Variants in UBE3C observed in about 807,000 individuals in gnomAD.
The protein encoded by UBE3C is ubiquitin protein ligase E3C.
UBE3C carries 42 observed loss-of-function variants against 129.4 expected under a neutral mutation model. The ratio of observed to expected loss-of-function variants is 0.32; its 90% CI spans 0.25 to 0.42. The LOEUF is 0.42. Ranked by LOEUF, UBE3C falls within the 10% of genes least tolerant of loss-of-function variation. The probability of loss-of-function intolerance (pLI) is 1.00; values close to 1 mark genes in which losing one functional copy is unlikely to be tolerated. For synonymous variants in UBE3C, 510 were observed against 492.4 expected (o/e 1.04, Z -0.47); for missense variants, 1,049 against 1,319.1 (o/e 0.80, Z 3.17).
At chr7:157,164,308 C>T (rs1586655430) in intron 2 of UBE3C, 3 of 455,084 alleles carry the variant, frequency 6.6e-6, no homozygotes, top group Non-Finnish European at 1.3e-5. Context: ...AGGTGCATGC[C>T]ACCATGCCCA....
At chr7:157,164,630 G>A (rs1040650684) in intron 2 of UBE3C, 2 of 353,700 alleles carry the variant, frequency 5.7e-6, no homozygotes, top group African/African-American at 4.3e-5. Context: ...ATCAGCAATT[G>A]TACTATCTTA....
chr7:157,256,021 T>C lies in UBE3C; in HGVS notation c.2951-893T>C, dbSNP rs1796742454. On this transcript the variant is annotated intron_variant, in intron 21 of 22. Transcript: ENST00000348165. Reference sequence around the variant, plus strand: ...CCACGTGCAAGCCCCTTCTCTGCCGTCTGTTCAGCGGCGGCTTTGAACTGC... The same window carrying C: ...CCACGTGCAAGCCCCTTCTCTGCCGCCTGTTCAGCGGCGGCTTTGAACTGC... 5.3e-5 allele frequency among the ~76,000 whole-genome samples: 8 copies of C among 152,316 alleles called. No homozygotes were observed. The South Asian group carries it at 1.7e-3, about 32-fold the overall frequency.
At chr7:157,262,436 T>TTTTTTA (rs1796942835) in intron 22 of UBE3C, among the ~76,000 whole-genome samples, 1 of 138,466 alleles carries the variant, frequency 7.2e-6, no homozygotes, top group Non-Finnish European at 1.5e-5. Context: ...TTTTTTTTTT[T>TTTTTTA]GAGATAGAGT....
At chr7:157,232,550 C>T (rs1796048822) in intron 18 of UBE3C, among the ~76,000 whole-genome samples, 1 of 152,290 alleles carries the variant, frequency 6.6e-6, no homozygotes, top group South Asian at 2.1e-4. Context: ...GGGGTTTCCA[C>T]CATGTTGTCC....
intron 18 of UBE3C, among the ~76,000 whole-genome samples, chr7:157,240,170 T>C (rs1173767683): frequency 6.6e-6 from 1 of 152,150 alleles, no homozygotes; most frequent in Non-Finnish European, 1.5e-5. Context: ...TTCTCGTGCC[T>C]CAGCCTCCCA....
At chr7:157,151,167 A>G (rs1187481623) in intron 1 of UBE3C, among the ~76,000 whole-genome samples, 1 of 152,248 alleles carries the variant, frequency 6.6e-6, no homozygotes, top group African/African-American at 2.4e-5. Flanking sequence ...GTCTGTGGAC[A>G]TAATCCTGAA....
intron 1 of UBE3C, among the ~76,000 whole-genome samples, chr7:157,140,426 G>C (rs1037943090): frequency 5.3e-5 from 8 of 152,202 alleles, no homozygotes; most frequent in African/African-American, 1.9e-4. Context: ...AGGTTCGTGT[G>C]ATGGTGATTG....
intron 11 of UBE3C, among the ~76,000 whole-genome samples, chr7:157,207,065 T>C (rs966307122): frequency 5.3e-5 from 8 of 152,184 alleles, no homozygotes; most frequent in African/African-American, 1.9e-4. Context: ...GTAAAGTACA[T>C]GTGTGTCTTG....
At chr7:157,168,419 A>C (rs2116878432) in intron 2 of UBE3C, among the ~76,000 whole-genome samples, 1 of 152,276 alleles carries the variant, frequency 6.6e-6, no homozygotes, top group East Asian at 1.9e-4. Context: ...GCAATTCCTC[A>C]ATGATAACTC....
chr7:157,153,656 C>T (rs539195774), intron 1 of UBE3C, among the ~76,000 whole-genome samples: 5 of 152,174 alleles, frequency 3.3e-5, no homozygotes, highest in South Asian at 4.2e-4. Flanking sequence ...CACGAATCTT[C>T]CTTGCTCTAA....
chr7:157,245,992 C>CAAAAAAAAAAAA (rs56270719), intron 18 of UBE3C, among the ~76,000 whole-genome samples: 1 of 85,612 alleles, frequency 1.2e-5, no homozygotes, highest in Admixed American at 1.5e-4. Flanking sequence ...GACTCCGTCT[C>CAAAAAAAAAAAA]AAAAAAAAAA....
chr7:157,162,536 C>G (rs919588419), intron 1 of UBE3C, among the ~76,000 whole-genome samples: 1 of 146,750 alleles, frequency 6.8e-6, no homozygotes, highest in African/African-American at 2.5e-5. Flanking sequence ...TGTCTCCAAT[C>G]TTGAACTTTT....
At chr7:157,237,877 T>C (rs1796192956) in intron 18 of UBE3C, among the ~76,000 whole-genome samples, 1 of 137,952 alleles carries the variant, frequency 7.2e-6, no homozygotes, top group African/African-American at 3.1e-5. Context: ...GGAGACCTGG[T>C]CTCTACCACT....
At position 157,163,885 on chromosome 7, in the gene UBE3C, T is replaced by C. The variant is rs778636183; in HGVS notation, c.120+22T>C. The C allele has an allele frequency of 2.5e-6, 4 of 1,610,130 alleles. No homozygotes were observed. The African/African-American group carries it at 5.3e-5, about 22-fold the overall frequency. On this transcript the variant is annotated intron_variant, in intron 2 of 22. Transcript: ENST00000348165. ...AGAGGTAAAAACAGTTTTGTAATACTCTGTAGATAAGCATTTTTTCTACAG... is the reference window on the plus strand; with the variant it reads ...AGAGGTAAAAACAGTTTTGTAATACCCTGTAGATAAGCATTTTTTCTACAG...
At chr7:157,225,216 T>C (rs968981948) in intron 16 of UBE3C, among the ~76,000 whole-genome samples, 191 bp from the exon 17 acceptor site, 1 of 152,160 alleles carries the variant, frequency 6.6e-6, no homozygotes, top group Non-Finnish European at 1.5e-5. Flanking sequence ...GCTTTAGAAA[T>C]ATTTAAATAT....
At chr7:157,142,620 C>G (rs1257778745) in intron 1 of UBE3C, among the ~76,000 whole-genome samples, 1 of 151,956 alleles carries the variant, frequency 6.6e-6, no homozygotes, top group African/African-American at 2.4e-5. Context: ...GATTCAAAGT[C>G]ACTTTGGGGA....
chr7:157,228,862 G>C (rs185292452), intron 17 of UBE3C, among the ~76,000 whole-genome samples: 1 of 152,154 alleles, frequency 6.6e-6, no homozygotes, highest in African/African-American at 2.4e-5. Context: ...TTACACTCCA[G>C]GTACGGTAAC....
chr7:157,259,073 A>G (rs1026621166), intron 22 of UBE3C, among the ~76,000 whole-genome samples: 1 of 152,226 alleles, frequency 6.6e-6, no homozygotes, highest in Admixed American at 6.5e-5. Flanking sequence ...GACATACGGC[A>G]CTTACCTTAT....
intron 18 of UBE3C, among the ~76,000 whole-genome samples, chr7:157,247,139 G>C (rs145488990): frequency 0.014 from 2,167 of 152,264 alleles, 22 homozygotes; most frequent in Non-Finnish European, 0.022. Flanking sequence ...AGCCGCCTCA[G>C]CCTCCCAAAG....
Sources: allele counts gnomAD v4.1 joint callset (sites outside exome capture counted in the v4.1 genomes callset), GRCh38; gene constraint gnomAD v4.1.1; transcripts MANE v1.5; gene names NCBI Gene and HGNC (gene_info 2026-07-23, HGNC 2026-07-21).